ANK2: variants seen among roughly 807,000 people sequenced by gnomAD.
ANK2 encodes ankyrin-2.
ANK2 carries 83 observed loss-of-function variants against 360.5 expected under a neutral mutation model. The observed-to-expected ratio is 0.23, with a 90% CI of 0.19 to 0.28. The LOEUF (loss-of-function observed/expected upper bound fraction) is 0.28. Among genes scored for constraint, ANK2 ranks in the 10% least tolerant of loss-of-function variants. The pLI is 1.00. For synonymous variants in ANK2, 1,740 were observed against 1,759.5 expected, an observed-to-expected ratio of 0.99 and a Z score of 0.28; for missense variants, 4,201 against 4,795.7, an observed-to-expected ratio of 0.88 and a Z score of 3.66.
intron 1 of ANK2, among the ~76,000 whole-genome samples, chr4:112,886,657 G>A (rs533648685): frequency 6.6e-6 from 1 of 152,196 alleles, no homozygotes; most frequent in South Asian, 2.1e-4. Flanking sequence ...GCGAGACTCT[G>A]TCTCAAAACA....
chr4:113,038,473 C>A (rs7674202), intron 2 of ANK2, among the ~76,000 whole-genome samples: 1 of 151,830 alleles, frequency 6.6e-6, no homozygotes, highest in Non-Finnish European at 1.5e-5. Flanking sequence ...TAGTATAGTA[C>A]GCAAAGTCAG....
chr4:112,980,365 A>G (rs1561390344), intron 2 of ANK2: 1 of 153,088 alleles, frequency 6.5e-6, no homozygotes, highest in Non-Finnish European at 1.5e-5. Context: ...CTGCAGCCTG[A>G]CCGAGAGCGT....
At chr4:113,089,937 CT>C (rs1329024265) in intron 1 of ANK2, among the ~76,000 whole-genome samples, 1 of 152,174 alleles carries the variant, frequency 6.6e-6, no homozygotes, top group Non-Finnish European at 1.5e-5. Context: ...TAATGGTTTT[CT>C]GAAACGTAAT....
chr4:113,080,194 C>G (rs2081836472), intron 1 of ANK2, among the ~76,000 whole-genome samples: 1 of 152,154 alleles, frequency 6.6e-6, no homozygotes, highest in African/African-American at 2.4e-5. Flanking sequence ...TCGCCATGCC[C>G]TGCCCACCCT....
intron 1 of ANK2, chr4:113,145,593 A>C: frequency 2.8e-6 from 3 of 1,057,244 alleles, no homozygotes; most frequent in Non-Finnish European, 3.5e-6. Flanking sequence ...ATTGACATGC[A>C]TAGCTGGCCT....
intron 10 of ANK2, among the ~76,000 whole-genome samples, chr4:113,254,285 G>A (rs752778108): frequency 2.0e-5 from 3 of 152,048 alleles, no homozygotes; most frequent in Non-Finnish European, 2.9e-5. Flanking sequence ...ATGTAACCTC[G>A]ATAGAGACGG....
intron 1 of ANK2, chr4:113,151,063 G>T (rs1392585592): frequency 1.6e-6 from 2 of 1,284,026 alleles, no homozygotes; most frequent in African/African-American, 1.5e-5. Flanking sequence ...CTATTTATGG[G>T]AATTTTCCCA....
intron 1 of ANK2, among the ~76,000 whole-genome samples, chr4:113,085,657 G>A (rs1449668135): frequency 1.3e-5 from 2 of 152,124 alleles, no homozygotes; most frequent in Non-Finnish European, 2.9e-5. Flanking sequence ...TGTTAAGCAA[G>A]AAGAAGATAT....
chr4:112,792,164 C>T, the ANK2 span, among the ~76,000 whole-genome samples: 2 of 151,466 alleles, frequency 1.3e-5, no homozygotes, highest in Non-Finnish European at 2.9e-5. Context: ...GCCTCAGCCT[C>T]CCGAGTAGCT....
chr4:113,273,467 C>T (rs29397), intron 14 of ANK2, among the ~76,000 whole-genome samples: 116,295 of 152,128 alleles, frequency 0.76, 44,534 homozygotes, highest in African/African-American at 0.8. Flanking sequence ...TATAGCTCCT[C>T]TTCTTTTTTC....
At chr4:113,018,121 G>A (rs1415033402) in intron 2 of ANK2, among the ~76,000 whole-genome samples, 4 of 152,342 alleles carry the variant, frequency 2.6e-5, no homozygotes, top group East Asian at 3.9e-4. Flanking sequence ...AGCTTTAGTC[G>A]TCAGTCAGTC....
At chr4:113,043,438 G>T (rs973866274) in intron 2 of ANK2, among the ~76,000 whole-genome samples, 1 of 150,358 alleles carries the variant, frequency 6.7e-6, no homozygotes, top group Admixed American at 6.7e-5. Flanking sequence ...AATACCAGGG[G>T]CTTTAAAAAA....
intron 17 of ANK2, among the ~76,000 whole-genome samples, chr4:113,279,306 A>G (rs545114353): frequency 6.6e-6 from 1 of 152,228 alleles, no homozygotes; most frequent in Admixed American, 6.5e-5. Flanking sequence ...TAGACAATAT[A>G]ATAAAAAAAC....
At chr4:113,310,266 C>T (rs1287115316) in intron 23 of ANK2, among the ~76,000 whole-genome samples, 3 of 152,076 alleles carry the variant, frequency 2.0e-5, no homozygotes, top group Non-Finnish European at 4.4e-5. Flanking sequence ...GCGGTGAGAA[C>T]TGGCAAATTA....
intron 1 of ANK2, among the ~76,000 whole-genome samples, chr4:113,111,193 G>C (rs2094256009): frequency 6.6e-6 from 1 of 152,072 alleles, no homozygotes; most frequent in African/African-American, 2.4e-5. Context: ...CCAATTAGGA[G>C]AAATCAATCT....
intron 2 of ANK2, among the ~76,000 whole-genome samples, chr4:112,995,714 A>G (rs925775541): frequency 6.6e-6 from 1 of 152,160 alleles, no homozygotes; most frequent in African/African-American, 2.4e-5. Context: ...TGGGATTTTT[A>G]TAGTTTTAGA....
At chr4:113,239,538 G>A (rs2099408772) in intron 7 of ANK2, among the ~76,000 whole-genome samples, 2 of 152,088 alleles carry the variant, frequency 1.3e-5, no homozygotes. Flanking sequence ...GTTAAGTAGT[G>A]AAAATTCTGG....
chr4:113,136,638 C>A (rs1447520513), intron 1 of ANK2, among the ~76,000 whole-genome samples: 2 of 152,158 alleles, frequency 1.3e-5, no homozygotes, highest in East Asian at 3.9e-4. Context: ...AGCGCCACTG[C>A]ACTCCAGCTT....
chr4:112,723,266 T>G, the ANK2 span, among the ~76,000 whole-genome samples: 2 of 152,340 alleles, frequency 1.3e-5, no homozygotes, highest in African/African-American at 2.4e-5. Flanking sequence ...TTCTTTTCCT[T>G]GAACTCCTTG....
Sources: gnomAD v4.1 joint callset for allele counts (sites outside exome capture counted in the v4.1 genomes callset) on GRCh38, gnomAD v4.1.1 for gene constraint, MANE v1.5 for transcripts, NCBI Gene and HGNC (gene_info 2026-07-23, HGNC 2026-07-21) for gene names.